REV1: variants seen among roughly 807,000 people sequenced by gnomAD.
REV1 encodes the protein translesion synthesis protein REV1.
REV1 carries 42 observed loss-of-function variants against 137.4 expected under a neutral mutation model. That is an observed-to-expected ratio of 0.31 (90% CI 0.24 to 0.40). REV1 has a LOEUF of 0.40. Ranked by LOEUF, REV1 falls within the 10% of genes least tolerant of loss-of-function variation. REV1 has a pLI of 1.00. For missense variants in REV1, 1,282 were observed against 1,490.1 expected (o/e 0.86, Z 2.30); for synonymous variants, 524 against 519.2 (o/e 1.01, Z -0.12).
intron 14 of REV1, 55 bp downstream of exon 14, chr2:99,410,640 T>C (rs1677004527): frequency 1.4e-6 from 2 of 1,434,022 alleles, no homozygotes; most frequent in Non-Finnish European, 1.9e-6. Context: ...TTCTATTACT[T>C]ACAACAACCT....
At chr2:99,442,586 C>G (rs1681658638) in intron 4 of REV1, 117 bp from the exon 5 acceptor site, 1 of 946,118 alleles carries the variant, frequency 1.1e-6, no homozygotes. Context: ...CATCTGTTTT[C>G]CTAGTTTATT....
chr2:99,406,266 G>A, intron 16 of REV1, 59 bp downstream of exon 16: 1 of 1,506,018 alleles, frequency 6.6e-7, no homozygotes, highest in Non-Finnish European at 8.9e-7. Context: ...AAAACCAACT[G>A]CCGTCTTTCC....
intron 3 of REV1, among the ~76,000 whole-genome samples, chr2:99,458,122 C>T (rs1319350963): frequency 1.3e-5 from 2 of 152,100 alleles, no homozygotes; most frequent in African/African-American, 2.4e-5. Flanking sequence ...AAATTAAAAA[C>T]GTTCTGCAAA....
chr2:99,483,604 A>G, intron 1 of REV1, among the ~76,000 whole-genome samples: 1 of 152,324 alleles, frequency 6.6e-6, no homozygotes, highest in Admixed American at 6.5e-5. Context: ...AGAAAGTATC[A>G]TTTTCAACTG....
intron 13 of REV1, among the ~76,000 whole-genome samples, chr2:99,411,641 T>C (rs1677168988): frequency 6.6e-6 from 1 of 151,796 alleles, no homozygotes; most frequent in Non-Finnish European, 1.5e-5. Flanking sequence ...ACTCCTGACC[T>C]CAGGTGATCG....
upstream of REV1, chr2:99,490,023 C>T (rs1278404309): frequency 3.3e-5 from 5 of 149,436 alleles, no homozygotes; most frequent in African/African-American, 9.8e-5. Flanking sequence ...GGCTCTCCGC[C>T]CCTCCCCCTC....
rs1411422507 is a variant in REV1 at position 99,400,840 on chromosome 2, G to C, written c.*401C>G. ...GGTCTGAGACCTCTCAGGAATTTCA[G>C]AGCTTAGCAGTCTGGCCTGGAGGTT... On this transcript the variant is annotated 3_prime_UTR_variant, in exon 23 of 23. Coordinates refer to ENST00000258428, the MANE Select transcript of REV1 (RefSeq NM_016316.4). 3 of 154,396 alleles carry C rather than the reference G, an allele frequency of 1.9e-5. No homozygotes were observed. Among genetic ancestry groups the C allele is most frequent in the African/African-American group, 7.2e-5 (3 of 41,442 alleles). 9.6% of individuals were successfully genotyped at this position (154,396 alleles called of 1,614,324 possible).
At position 99,438,706 on chromosome 2, in the gene REV1, C is replaced by G. The variant is rs761736197; in HGVS notation, c.1108G>C (p.Glu370Gln). 6.2e-7 allele frequency: 1 copy of G among 1,613,700 alleles called. No homozygotes were observed. Among genetic ancestry groups the G allele is most frequent in the Non-Finnish European group, 8.5e-7 (1 of 1,179,586 alleles). The change falls in exon 6 of 23, where the codon GAG (glutamate) becomes CAG (glutamine). Residue 370 changes from glutamate (E) to glutamine (Q), a missense_variant. Glu to Gln is a conservative substitution (Grantham distance 29). This residue lies in a region of REV1 where 432 missense variants were observed against 438.0 expected (regional missense o/e 0.99). Transcript: ENST00000258428. Reference sequence around the variant, plus strand: ...TGTCTTTGTAGGGTATTGACAAACTCAGTCAATTCACACTTCCACATTGAT... The same window carrying G: ...TGTCTTTGTAGGGTATTGACAAACTGAGTCAATTCACACTTCCACATTGAT... ...HISMWKCELT[E>Q]FVNTLQRQSN...
At chr2:99,446,720 C>T (rs1270154441) in intron 4 of REV1, among the ~76,000 whole-genome samples, 1 of 152,068 alleles carries the variant, frequency 6.6e-6, no homozygotes, top group Non-Finnish European at 1.5e-5. Flanking sequence ...GTCTTGAACT[C>T]CTGACCTCGT....
intron 1 of REV1, among the ~76,000 whole-genome samples, chr2:99,483,969 A>G (rs768084439): frequency 6.6e-6 from 1 of 152,198 alleles, no homozygotes; most frequent in Non-Finnish European, 1.5e-5. Flanking sequence ...CTCATAATTT[A>G]GATATTCTTA....
intron 1 of REV1, among the ~76,000 whole-genome samples, chr2:99,486,864 G>C (rs908206084): frequency 2.0e-5 from 3 of 152,092 alleles, no homozygotes; most frequent in East Asian, 3.9e-4. Context: ...CTGCTCGCTT[G>C]TTGAGAACAG....
At chr2:99,418,340 A>G (rs1678176231) in intron 12 of REV1, among the ~76,000 whole-genome samples, 1 of 152,040 alleles carries the variant, frequency 6.6e-6, no homozygotes, top group Admixed American at 6.5e-5. Context: ...TGAAAACACA[A>G]TCCTTCTTTA....
At chr2:99,460,956 C>T (rs1324166490) in intron 3 of REV1, among the ~76,000 whole-genome samples, 1 of 152,080 alleles carries the variant, frequency 6.6e-6, no homozygotes, top group Non-Finnish European at 1.5e-5. Context: ...TTTCTTCCTC[C>T]TATGTGAATA....
chr2:99,439,764 A>G (rs530260808), intron 5 of REV1, among the ~76,000 whole-genome samples: 52 of 152,346 alleles, frequency 3.4e-4, no homozygotes, highest in Middle Eastern at 3.4e-3. Flanking sequence ...CATGGTCAAT[A>G]AATATCTGCT....
At chr2:99,458,812 G>C (rs865861278) in intron 3 of REV1, among the ~76,000 whole-genome samples, 1 of 152,192 alleles carries the variant, frequency 6.6e-6, no homozygotes, top group African/African-American at 2.4e-5. Flanking sequence ...TTCTTGAAAT[G>C]ACAAAATTAT....
Position 99,438,451 on chromosome 2 carries a change from CTA to C in REV1, c.1213+148_1213+149del, listed in dbSNP as rs553110081. The C allele has an allele frequency of 4.5e-4, 266 of 591,776 alleles. 3 individuals are homozygous for C. The highest frequency in any genetic ancestry group is 4.3e-3 in the South Asian group (183 of 42,466). The allele number at this position is 591,776 out of a possible 1,614,324, so 36.7% of individuals were successfully genotyped here. On this transcript the variant is annotated intron_variant, in intron 6 of 22. Transcript: ENST00000258428. ...AAAAATATTTTAATAAATTAGCTTT[CTA>C]TGTTATGCTTACTGTAACTTACATG... is the stretch of plus-strand genomic sequence containing the variant.
intron 1 of REV1, among the ~76,000 whole-genome samples, chr2:99,473,365 CAA>C (rs10645145): frequency 6.2e-5 from 7 of 112,050 alleles, no homozygotes; most frequent in African/African-American, 1.0e-4. Flanking sequence ...GAGACTGTCT[CAA>C]AAAAAAAAAA....
At chr2:99,410,898 A>G in intron 13 of REV1, 31 bp from the exon 14 acceptor site, 1 of 1,553,734 alleles carries the variant, frequency 6.4e-7, no homozygotes, top group South Asian at 1.2e-5. Flanking sequence ...AGAAACTACC[A>G]TTCCACTTTC....
chr2:99,434,407 C>G lies in REV1; in HGVS notation c.1363G>C (p.Ala455Pro). The G allele has an allele frequency of 6.2e-7, 1 of 1,603,894 alleles. No individual in the cohort carries two copies. The highest frequency in any genetic ancestry group is 1.1e-5 in the South Asian group (1 of 89,040). ...AVTSNRGTGR[A>P]PLRPGANPQL... ...GGGTTAGCGCCAGGACGTAAAGGTG[C>G]CCTTCCTGTGCCTCTGTTACTTGTA... Residue 455 changes from alanine to proline, a missense_variant, in exon 8 of 23, where the codon GCA becomes CCA. By Grantham distance (27) the Ala-to-Pro change is conservative (BLOSUM62 -1). This residue lies in a region of REV1 where 432 missense variants were observed against 438.0 expected (regional missense o/e 0.99). Transcript: ENST00000258428.
Sources: gnomAD v4.1 joint callset for allele counts (sites outside exome capture counted in the v4.1 genomes callset) on GRCh38, gnomAD v4.1.1 for gene constraint, gnomAD v4.1.1 regional missense constraint, MANE v1.5 for transcripts, NCBI Gene and HGNC (gene_info 2026-07-23, HGNC 2026-07-21) for gene names.